ACOXL: variants seen among roughly 807,000 people sequenced by gnomAD.
ACOXL encodes the protein acyl-coenzyme A oxidase-like protein.
A neutral mutation model predicts 71.9 loss-of-function variants in ACOXL; 70 were observed. The observed-to-expected ratio is 0.97, with a 90% confidence interval of 0.80 to 1.19. ACOXL has a LOEUF of 1.19. Among genes scored for constraint, ACOXL ranks in the 50% most tolerant of loss-of-function variants. ACOXL has a pLI of 0.00. For synonymous variants in ACOXL, 253 were observed against 281.6 expected, an observed-to-expected ratio of 0.90 and a Z score of 1.02; for missense variants, 703 against 736.3, an observed-to-expected ratio of 0.95 and a Z score of 0.52.
intron 12 of ACOXL, among the ~76,000 whole-genome samples, chr2:110,938,404 G>A (rs2060743822): frequency 6.6e-6 from 1 of 152,272 alleles, no homozygotes; most frequent in South Asian, 2.1e-4. Context: ...AGCACCACAT[G>A]GTGCAGCTGA....
intron 11 of ACOXL, among the ~76,000 whole-genome samples, chr2:110,930,550 G>C (rs1349655183): frequency 6.6e-6 from 1 of 152,184 alleles, no homozygotes; most frequent in Non-Finnish European, 1.5e-5. Context: ...AGGGATGACT[G>C]GTTTTGAAAT....
intron 14 of ACOXL, among the ~76,000 whole-genome samples, chr2:111,018,368 A>G (rs959222167): frequency 2.0e-5 from 3 of 152,162 alleles, no homozygotes; most frequent in Admixed American, 6.5e-5. Flanking sequence ...CCAGGCAGAG[A>G]GTGGGACTGA....
intron 11 of ACOXL, among the ~76,000 whole-genome samples, chr2:110,915,710 G>A (rs1468805705): frequency 2.6e-5 from 4 of 151,836 alleles, no homozygotes; most frequent in Non-Finnish European, 5.9e-5. Context: ...TTACAGGCGT[G>A]AGCCACTGTA....
At chr2:110,918,908 T>C (rs561193358) in intron 11 of ACOXL, among the ~76,000 whole-genome samples, 62 of 152,244 alleles carry the variant, frequency 4.1e-4, no homozygotes, top group African/African-American at 1.4e-3. Flanking sequence ...AAACAACAGA[T>C]GGTGGAGAGG....
At chr2:110,901,304 G>T (rs2059221883) in intron 10 of ACOXL, among the ~76,000 whole-genome samples, 2 of 152,182 alleles carry the variant, frequency 1.3e-5, no homozygotes, top group Admixed American at 6.5e-5. Flanking sequence ...GTGTTTGCAG[G>T]TTTGGGGGTG....
At chr2:110,992,800 A>G (rs1373321515) in intron 13 of ACOXL, among the ~76,000 whole-genome samples, 1 of 151,786 alleles carries the variant, frequency 6.6e-6, no homozygotes, top group Non-Finnish European at 1.5e-5. Flanking sequence ...GGCCCCTCCC[A>G]CTCTCATCAG....
At chr2:110,777,755 C>T (rs1379358202) in intron 2 of ACOXL, among the ~76,000 whole-genome samples, 2 of 152,176 alleles carry the variant, frequency 1.3e-5, no homozygotes, top group Non-Finnish European at 2.9e-5. Context: ...ACACTGGCCA[C>T]GGAGGCTGCA....
intron 12 of ACOXL, among the ~76,000 whole-genome samples, chr2:110,979,774 G>A (rs1056902468): frequency 4.6e-5 from 7 of 152,176 alleles, no homozygotes; most frequent in African/African-American, 7.2e-5. Flanking sequence ...GACTCAGATT[G>A]CCATGGGCAG....
chr2:110,740,578 C>T (rs1677399431), intron 1 of ACOXL, among the ~76,000 whole-genome samples: 1 of 152,192 alleles, frequency 6.6e-6, no homozygotes, highest in Admixed American at 6.5e-5. Context: ...CAAAGGAGCA[C>T]AAAAAGATTT....
chr2:110,739,751 C>T (rs1030921808), intron 1 of ACOXL, among the ~76,000 whole-genome samples: 7 of 152,316 alleles, frequency 4.6e-5, no homozygotes, highest in Admixed American at 4.6e-4. Context: ...ATTTATACAA[C>T]CCAGTGGCAC....
intron 9 of ACOXL, among the ~76,000 whole-genome samples, chr2:110,810,212 C>T (rs558349537): frequency 6.6e-6 from 1 of 152,154 alleles, no homozygotes; most frequent in Non-Finnish European, 1.5e-5. Flanking sequence ...CACGATCAGG[C>T]CTTTGTCTGT....
intron 10 of ACOXL, among the ~76,000 whole-genome samples, chr2:110,864,959 G>A (rs971481080): frequency 3.9e-5 from 6 of 152,228 alleles, no homozygotes; most frequent in Non-Finnish European, 8.8e-5. Context: ...GGGTTGATGT[G>A]CAGGTGGGGA....
intron 15 of ACOXL, among the ~76,000 whole-genome samples, chr2:111,039,305 CCT>C (rs2065666085): frequency 6.6e-6 from 1 of 152,064 alleles, no homozygotes; most frequent in African/African-American, 2.4e-5. Context: ...TATGAATTTA[CCT>C]CTCTCTTTGC....
At chr2:111,005,812 G>A (rs1262105487) in intron 14 of ACOXL, among the ~76,000 whole-genome samples, 1 of 152,154 alleles carries the variant, frequency 6.6e-6, no homozygotes. Flanking sequence ...CTTTGGTCAG[G>A]TGGTAGCTGC....
At chr2:110,970,032 A>G (rs2062111994) in intron 12 of ACOXL, among the ~76,000 whole-genome samples, 1 of 152,150 alleles carries the variant, frequency 6.6e-6, no homozygotes, top group Admixed American at 6.5e-5. Flanking sequence ...GCCTTGGAGA[A>G]TTCTATTTAC....
At chr2:110,865,627 C>T (rs1333259970) in intron 10 of ACOXL, among the ~76,000 whole-genome samples, 1 of 152,148 alleles carries the variant, frequency 6.6e-6, no homozygotes, top group African/African-American at 2.4e-5. Context: ...AGATGGAGCA[C>T]ATTCTTATTA....
intron 15 of ACOXL, among the ~76,000 whole-genome samples, chr2:111,035,695 AT>A (rs1410201714): frequency 2.0e-5 from 3 of 152,230 alleles, no homozygotes; most frequent in African/African-American, 7.2e-5. Flanking sequence ...ATTTCTGCCT[AT>A]TGGGGATTAA....
chr2:110,741,457 A>G (rs745814870), intron 1 of ACOXL, among the ~76,000 whole-genome samples: 1 of 152,184 alleles, frequency 6.6e-6, no homozygotes, highest in Non-Finnish European at 1.5e-5. Flanking sequence ...ACACCAGTCA[A>G]TATCTGAATT....
At chr2:111,104,832 T>C (rs1004294334) in intron 17 of ACOXL, among the ~76,000 whole-genome samples, 1 of 152,182 alleles carries the variant, frequency 6.6e-6, no homozygotes, top group African/African-American at 2.4e-5. Flanking sequence ...TAATAAAGTC[T>C]AATTTATCCA....
Sources: gnomAD v4.1 joint callset for allele counts (sites outside exome capture counted in the v4.1 genomes callset) on GRCh38, gnomAD v4.1.1 for gene constraint, MANE v1.5 for transcripts, NCBI Gene and HGNC (gene_info 2026-07-23, HGNC 2026-07-21) for gene names.